The following NCKAP5 variants were observed in gnomAD, a reference collection of about 807,000 sequenced individuals.
NCKAP5 encodes the protein nck-associated protein 5.
A neutral mutation model predicts 167.0 loss-of-function variants in NCKAP5; 92 were observed. The observed-to-expected ratio is 0.55, with a 90% CI of 0.47 to 0.66. The LOEUF is 0.66. NCKAP5 is among the 30% of genes least tolerant of loss of function. NCKAP5 has a pLI of 0.00. For synonymous variants in NCKAP5, 891 were observed against 877.4 expected (o/e 1.02, Z -0.27); for missense variants, 2,378 against 2,315.0 (o/e 1.03, Z -0.56).
chr2:133,020,948 C>T (rs936709874), intron 6 of NCKAP5, among the ~76,000 whole-genome samples: 30 of 152,246 alleles, frequency 2.0e-4, no homozygotes, highest in Admixed American at 1.4e-3. Context: ...GGCACCAGGA[C>T]GGACAATGTC....
At chr2:132,828,406 A>G (rs1244575306) in intron 11 of NCKAP5, among the ~76,000 whole-genome samples, 2 of 151,910 alleles carry the variant, frequency 1.3e-5, no homozygotes, top group African/African-American at 4.8e-5. Flanking sequence ...TTACAGCGAG[A>G]TCTGGTTGTT....
intron 5 of NCKAP5, among the ~76,000 whole-genome samples, chr2:133,161,797 AG>A (rs1215314009): frequency 3.3e-5 from 5 of 152,176 alleles, no homozygotes; most frequent in Non-Finnish European, 4.4e-5. Flanking sequence ...TGTCCAAGGA[AG>A]GTTTATTTTA....
At chr2:133,415,531 C>G (rs1329559085) in intron 3 of NCKAP5, among the ~76,000 whole-genome samples, 1 of 152,226 alleles carries the variant, frequency 6.6e-6, no homozygotes, top group Non-Finnish European at 1.5e-5. Context: ...CTTTGGGAGC[C>G]AGCTGACCAT....
At chr2:132,878,613 TACACACACACACAC>T (rs10544477) in intron 9 of NCKAP5, among the ~76,000 whole-genome samples, 74 of 131,992 alleles carry the variant, frequency 5.6e-4, no homozygotes, top group East Asian at 4.7e-3. Context: ...GGGGGGCAGA[TACACACACACACAC>T]ACACACACAC....
intron 12 of NCKAP5, among the ~76,000 whole-genome samples, chr2:132,795,932 C>T (rs375542462): frequency 1.2e-4 from 17 of 147,146 alleles, no homozygotes; most frequent in East Asian, 8.2e-4. Context: ...CCTGACTTTA[C>T]GGCTATATTA....
intron 4 of NCKAP5, among the ~76,000 whole-genome samples, chr2:133,230,968 T>C (rs577682394): frequency 3.2e-4 from 48 of 152,310 alleles, no homozygotes; most frequent in African/African-American, 1.1e-3. Flanking sequence ...AAATGGTTTT[T>C]AGGGGATGCT....
intron 7 of NCKAP5, among the ~76,000 whole-genome samples, chr2:132,985,784 G>A (rs1422122589): frequency 3.3e-5 from 5 of 152,124 alleles, no homozygotes; most frequent in Admixed American, 3.3e-4. Flanking sequence ...GCTATTCGAA[G>A]TTCATAACAA....
At chr2:133,326,548 T>C (rs561386356) in intron 3 of NCKAP5, among the ~76,000 whole-genome samples, 2 of 151,824 alleles carry the variant, frequency 1.3e-5, no homozygotes, top group South Asian at 2.1e-4. Flanking sequence ...GCAAGAGTCC[T>C]GTAACAGCAG....
chr2:133,330,916 T>G lies in NCKAP5; in HGVS notation c.70-27806A>C, dbSNP rs972061554. 1.1e-4 allele frequency among the ~76,000 whole-genome samples: 16 copies of G among 152,016 alleles called. 1 individual carries two copies. Among genetic ancestry groups the G allele is most frequent in the Admixed American group, 2.0e-4 (3 of 15,236 alleles). ...TGTATTAAAAAAAAGAAGAAAGTAT[T>G]AAGCATATACTATGTTCTAAGCACA... On this transcript the variant is annotated intron_variant, in intron 3 of 19. Coordinates refer to ENST00000409261, the MANE Select transcript of NCKAP5 (RefSeq NM_207363.3).
intron 5 of NCKAP5, among the ~76,000 whole-genome samples, chr2:133,176,072 G>A (rs983876622): frequency 1.3e-5 from 2 of 152,200 alleles, no homozygotes; most frequent in African/African-American, 2.4e-5. Context: ...AGGGAGGATC[G>A]TCTATTCAGT....
chr2:133,207,747 G>A (rs377338780), intron 5 of NCKAP5, among the ~76,000 whole-genome samples: 25 of 152,278 alleles, frequency 1.6e-4, no homozygotes, highest in African/African-American at 5.5e-4. Context: ...AAGCAGTACT[G>A]CTTTACAATG....
chr2:133,490,702 G>C (rs2151348573), intron 3 of NCKAP5, among the ~76,000 whole-genome samples: 1 of 152,290 alleles, frequency 6.6e-6, no homozygotes, highest in South Asian at 2.1e-4. Context: ...GGCACCTCAT[G>C]GGCAATCACT....
At chr2:132,913,784 A>G (rs1446018449) in intron 8 of NCKAP5, among the ~76,000 whole-genome samples, 1 of 152,196 alleles carries the variant, frequency 6.6e-6, no homozygotes, top group East Asian at 1.9e-4. Flanking sequence ...ATGTTTGGAA[A>G]TACCCACAAA....
At chr2:132,687,576 TC>T (rs1486998276) in intron 19 of NCKAP5, among the ~76,000 whole-genome samples, 2 of 152,114 alleles carry the variant, frequency 1.3e-5, no homozygotes, top group African/African-American at 4.8e-5. Context: ...TGGCAAAATG[TC>T]CCTTAAATAT....
intron 8 of NCKAP5, among the ~76,000 whole-genome samples, chr2:132,946,186 G>A (rs1431652565): frequency 6.6e-6 from 1 of 152,178 alleles, no homozygotes; most frequent in Non-Finnish European, 1.5e-5. Context: ...CCCTCAGGTT[G>A]CCTGGTAATC....
intron 4 of NCKAP5, among the ~76,000 whole-genome samples, chr2:133,252,938 CAG>C (rs2088424880): frequency 1.3e-5 from 2 of 152,220 alleles, no homozygotes; most frequent in South Asian, 4.1e-4. Flanking sequence ...CAGCCAGCCT[CAG>C]GGGGTCTGCA....
At chr2:133,646,580 C>T in the NCKAP5 span, among the ~76,000 whole-genome samples, 21 of 152,140 alleles carry the variant, frequency 1.4e-4, no homozygotes, top group East Asian at 3.9e-3. Context: ...ACCTGATTTA[C>T]AAGAAATGCT....
chr2:132,773,699 A>C, intron 16 of NCKAP5, 117 bp downstream of exon 16: 2 of 802,732 alleles, frequency 2.5e-6, no homozygotes, highest in Non-Finnish European at 3.9e-6. Context: ...CCATGTGTGA[A>C]TAGTTAACAC....
chr2:132,714,078 A>C (rs1036467504), intron 19 of NCKAP5, among the ~76,000 whole-genome samples: 3 of 152,242 alleles, frequency 2.0e-5, no homozygotes, highest in Non-Finnish European at 2.9e-5. Flanking sequence ...ATTGCTGCTT[A>C]TTGTGAAAGT....
Sources: gnomAD v4.1 joint callset for allele counts (sites outside exome capture counted in the v4.1 genomes callset) on GRCh38, gnomAD v4.1.1 for gene constraint, MANE v1.5 for transcripts, NCBI Gene and HGNC (gene_info 2026-07-23, HGNC 2026-07-21) for gene names.